Variants in TNFRSF9 observed in about 807,000 individuals in gnomAD.
TNFRSF9 encodes TNF receptor superfamily member 9.
A neutral mutation model predicts 28.8 loss-of-function variants in TNFRSF9; 16 were observed. That is an observed-to-expected ratio of 0.55 (90% CI 0.38 to 0.84). The LOEUF is 0.84. Among genes scored for constraint, TNFRSF9 ranks in the 40% least tolerant of loss-of-function variants. The probability of loss-of-function intolerance (pLI) is 0.00; values close to 1 mark genes in which losing one functional copy is unlikely to be tolerated. For missense variants in TNFRSF9, 303 were observed against 315.0 expected, an observed-to-expected ratio of 0.96 and a Z score of 0.29; for synonymous variants, 131 against 117.0, an observed-to-expected ratio of 1.12 and a Z score of -0.77.
intron 5 of TNFRSF9, among the ~76,000 whole-genome samples, chr1:7,937,165 T>C (rs1188900670): frequency 6.6e-6 from 1 of 152,176 alleles, no homozygotes; most frequent in African/African-American, 2.4e-5. Context: ...GCGGCAAAGT[T>C]CCACTGGCAA....
rs1331539844 is a variant in TNFRSF9 at position 7,933,237 on chromosome 1, G to T, written c.604C>A (p.Leu202Met). The T allele has an allele frequency of 6.2e-7, 1 of 1,614,022 alleles. No individual in the cohort carries two copies. Among genetic ancestry groups the T allele is most frequent in the African/African-American group, 1.3e-5 (1 of 75,042 alleles). The part of the protein sequence containing the change: ...LALTSTALLF[L>M]LFFLTLRFSV... ...AAACGGAGCGTGAGGAAGAACAGCA[G>T]GAAGAGCAACGCAGTCGACGTCAGC... The change falls in exon 7 of 8, where the codon CTG (leucine) becomes ATG (methionine). Residue 202 changes from leucine (L) to methionine (M), a missense_variant. Transcript: ENST00000377507.
At chr1:7,939,784 A>C in intron 2 of TNFRSF9, 111 bp downstream of exon 2, 1 of 717,374 alleles carries the variant, frequency 1.4e-6, no homozygotes, top group Non-Finnish European at 2.2e-6. Context: ...TAAATGAATG[A>C]ATTTTCATTT....
chr1:7,925,597 G>A (rs970073280), intron 7 of TNFRSF9, among the ~76,000 whole-genome samples: 1 of 152,108 alleles, frequency 6.6e-6, no homozygotes, highest in Non-Finnish European at 1.5e-5. Flanking sequence ...AATATATAAT[G>A]AAATAATTAT....
chr1:7,933,532 T>A (rs2151417895), intron 6 of TNFRSF9, among the ~76,000 whole-genome samples: 1 of 150,628 alleles, frequency 6.6e-6, no homozygotes, highest in Admixed American at 6.6e-5. Flanking sequence ...GAGTCAGGAG[T>A]TCAAGACCAG....
intron 4 of TNFRSF9, 41 bp downstream of exon 4, chr1:7,938,152 A>G (rs1313558921): frequency 1.9e-5 from 28 of 1,497,516 alleles, no homozygotes; most frequent in South Asian, 1.8e-4. Context: ...AAGTTTGTCT[A>G]TGTCACAAAA....
At chr1:7,933,080 AT>A in intron 7 of TNFRSF9, 81 bp downstream of exon 7, 5 of 1,496,948 alleles carry the variant, frequency 3.3e-6, no homozygotes, top group South Asian at 1.3e-5. Context: ...CATTTCTAGA[AT>A]TTTTTTTAAA....
At position 7,917,979 on chromosome 1, in the gene TNFRSF9, T is replaced by TATATATATAG. The variant is rs370720177; in HGVS notation, c.*2855_*2856insCTATATATAT. 1.0e-3 allele frequency: 132 copies of TATATATATAG among 130,970 alleles called. No homozygotes were observed. The highest frequency in any genetic ancestry group is 3.5e-3 in the African/African-American group (116 of 33,556). 8.1% of individuals were successfully genotyped at this position (130,970 alleles called of 1,614,324 possible). ...GGATATATATATATATATATATAGA[T>TATATATATAG]ATAGATAGATAGATAGATAGATAGG... On this transcript the variant is annotated 3_prime_UTR_variant, in exon 8 of 8. Coordinates refer to ENST00000377507, the MANE Select transcript of TNFRSF9 (RefSeq NM_001561.6).
chr1:7,938,699 G>A, intron 3 of TNFRSF9, 22 bp downstream of exon 3: 1 of 1,543,560 alleles, frequency 6.5e-7, no homozygotes. Flanking sequence ...TCTAGAAGAA[G>A]AAAATATCTT....
intron 7 of TNFRSF9, among the ~76,000 whole-genome samples, chr1:7,929,449 G>A (rs1040218264): frequency 6.6e-6 from 1 of 152,106 alleles, no homozygotes; most frequent in Non-Finnish European, 1.5e-5. Context: ...TTATAGGCAT[G>A]AGCCACTGTG....
chr1:7,928,299 T>C (rs900002532), intron 7 of TNFRSF9, among the ~76,000 whole-genome samples: 6 of 152,226 alleles, frequency 3.9e-5, no homozygotes, highest in African/African-American at 1.4e-4. Flanking sequence ...GCATTTATCA[T>C]AGAGATACAA....
At chr1:7,932,017 C>T (rs1010158330) in intron 7 of TNFRSF9, among the ~76,000 whole-genome samples, 1 of 152,132 alleles carries the variant, frequency 6.6e-6, no homozygotes, top group African/African-American at 2.4e-5. Context: ...GTGGCGCATG[C>T]CTGTAATGCC....
chr1:7,928,963 G>A (rs1204833010), intron 7 of TNFRSF9, among the ~76,000 whole-genome samples: 2 of 152,022 alleles, frequency 1.3e-5, no homozygotes, highest in African/African-American at 4.8e-5. Context: ...AGGGAAGGCC[G>A]TGAAGGGGGT....
Position 7,921,249 on chromosome 1 carries a change from T to C in TNFRSF9, c.680-326A>G, listed in dbSNP as rs1473674473. 4.7e-5 allele frequency among the ~76,000 whole-genome samples: 7 copies of C among 149,718 alleles called. No homozygotes were observed. The South Asian group carries it at 8.5e-4, about 18-fold the overall frequency. Reference sequence around the variant, plus strand: ...TACTCAGGAGGCTGAGGCAGGACAATTGCTTGAACCCAGGAGACAGAGATT... The same window carrying C: ...TACTCAGGAGGCTGAGGCAGGACAACTGCTTGAACCCAGGAGACAGAGATT... On this transcript the variant is annotated intron_variant, in intron 7 of 7. Transcript: ENST00000377507.
rs749658908 is a variant in TNFRSF9 at position 7,933,323 on chromosome 1, G to A, written c.545-27C>T. 21 of 1,605,232 alleles carry A rather than the reference G, an allele frequency of 1.3e-5. No homozygotes were observed. In the East Asian group the frequency reaches 3.1e-4, roughly 24 times the overall value. On this transcript the variant is annotated intron_variant, in intron 6 of 7. Coordinates refer to ENST00000377507, the MANE Select transcript of TNFRSF9 (RefSeq NM_001561.6). Reference sequence around the variant, plus strand: ...TGCAAAACACAGCAAAAGGAGAAACGCATGCAGAAATGTGTTGACACTCAT... The same window carrying A: ...TGCAAAACACAGCAAAAGGAGAAACACATGCAGAAATGTGTTGACACTCAT...
At chr1:7,922,192 A>G (rs576649074) in intron 7 of TNFRSF9, among the ~76,000 whole-genome samples, 1 of 152,376 alleles carries the variant, frequency 6.6e-6, no homozygotes, top group African/African-American at 2.4e-5. Flanking sequence ...GCTATAAAAA[A>G]TAACCACACC....
chr1:7,927,800 G>C (rs1639676994), intron 7 of TNFRSF9, among the ~76,000 whole-genome samples: 1 of 151,376 alleles, frequency 6.6e-6, no homozygotes, highest in Non-Finnish European at 1.5e-5. Flanking sequence ...CTCCATAAAT[G>C]AAAAAATCCA....
At chr1:7,925,437 T>C (rs1433776498) in intron 7 of TNFRSF9, among the ~76,000 whole-genome samples, 3 of 152,164 alleles carry the variant, frequency 2.0e-5, no homozygotes, top group Non-Finnish European at 4.4e-5. Flanking sequence ...TACAGTGATA[T>C]ACAGCAGAGG....
Position 7,939,957 on chromosome 1 carries a change from A to C in TNFRSF9, c.38T>G (p.Leu13Trp). 1 of 1,605,446 alleles carries C rather than the reference A, an allele frequency of 6.2e-7. No individual in the cohort carries two copies. Among genetic ancestry groups the C allele is most frequent in the Non-Finnish European group, 8.5e-7 (1 of 1,172,870 alleles). The change falls in exon 2 of 8, where the codon TTG (leucine) becomes TGG (tryptophan). Residue 13 changes from leucine to tryptophan, a missense_variant. Transcript: ENST00000377507. ...NSCYNIVATL[L>W]LVLNFERTRS... Reference sequence around the variant, plus strand: ...TGTCCTCTCAAAGTTGAGGACCAGCAACAGAGTGGCTACTATGTTGTAACA... The same window carrying C: ...TGTCCTCTCAAAGTTGAGGACCAGCCACAGAGTGGCTACTATGTTGTAACA...
intron 7 of TNFRSF9, among the ~76,000 whole-genome samples, chr1:7,928,978 T>C (rs560964661): frequency 6.6e-5 from 10 of 152,042 alleles, no homozygotes; most frequent in Non-Finnish European, 1.3e-4. Context: ...GGGGGTTTCT[T>C]ATGCATGCAT....
Sources: gnomAD v4.1 joint callset for allele counts (sites outside exome capture counted in the v4.1 genomes callset) on GRCh38, gnomAD v4.1.1 for gene constraint, MANE v1.5 for transcripts, NCBI Gene and HGNC (gene_info 2026-07-23, HGNC 2026-07-21) for gene names.